JAKMIP2: variants seen among roughly 807,000 people sequenced by gnomAD.
The protein encoded by JAKMIP2 is janus kinase and microtubule-interacting protein 2.
Under a neutral mutation model 115.0 loss-of-function variants are expected in JAKMIP2, and 25 were observed. The observed-to-expected ratio is 0.22, with a 90% CI of 0.16 to 0.30. JAKMIP2 has a LOEUF of 0.30. Among genes scored for constraint, JAKMIP2 ranks in the 10% least tolerant of loss-of-function variants. The pLI, the probability that JAKMIP2 is intolerant of heterozygous loss-of-function variation, is 1.00. For missense variants in JAKMIP2, 642 were observed against 957.6 expected (o/e 0.67, Z 4.35); for synonymous variants, 334 against 343.6 (o/e 0.97, Z 0.31).
intron 1 of JAKMIP2, among the ~76,000 whole-genome samples, chr5:147,777,349 GA>G (rs1206128188): frequency 6.6e-6 from 1 of 152,160 alleles, no homozygotes; most frequent in Non-Finnish European, 1.5e-5. Flanking sequence ...AATGCATGCG[GA>G]AATTTAAAAT....
At chr5:147,625,914 C>T (rs1757074185) in intron 16 of JAKMIP2, among the ~76,000 whole-genome samples, 1 of 152,080 alleles carries the variant, frequency 6.6e-6, no homozygotes, top group African/African-American at 2.4e-5. Context: ...AGGAACAGTA[C>T]ATAAGTACAT....
chr5:147,700,227 T>C (rs1752269297), intron 1 of JAKMIP2, among the ~76,000 whole-genome samples: 1 of 151,684 alleles, frequency 6.6e-6, no homozygotes, highest in Admixed American at 6.6e-5. Flanking sequence ...TAGTTAAAAA[T>C]ATGAAAAATA....
intron 11 of JAKMIP2, 94 bp from the exon 12 acceptor site, chr5:147,636,378 A>C (rs1581330941): frequency 2.1e-6 from 2 of 967,168 alleles, no homozygotes; most frequent in South Asian, 1.5e-5. Context: ...CCTTCTCCCC[A>C]CCCTGTTTGT....
At chr5:147,742,155 A>ATTTTTT (rs755006646) in intron 1 of JAKMIP2, among the ~76,000 whole-genome samples, 2,668 of 108,982 alleles carry the variant, frequency 0.024, 187 homozygotes, top group Middle Eastern at 0.11. Context: ...ATATATATAT[A>ATTTTTT]TTTTTTTTAC....
At chr5:147,650,921 T>A (rs1230916572) in intron 3 of JAKMIP2, among the ~76,000 whole-genome samples, 1 of 152,216 alleles carries the variant, frequency 6.6e-6, no homozygotes. Context: ...GGACATTTTT[T>A]GATGTCACTT....
At chr5:147,627,265 G>T (rs77409485) in intron 16 of JAKMIP2, among the ~76,000 whole-genome samples, 1 of 152,108 alleles carries the variant, frequency 6.6e-6, no homozygotes, top group Non-Finnish European at 1.5e-5. Flanking sequence ...AAGGGGGCTT[G>T]GATGAACAGG....
In JAKMIP2 at chr5:147,761,549, T is replaced by C. The variant is rs569359114; in HGVS notation, c.-149+20907A>G. On this transcript the variant is annotated intron_variant, in intron 1 of 21. Transcript: ENST00000616793. ...TTGGATTTATTATCTAACTTTATCTTACAACAAACTTACAAGAAAATATAA... is the reference window on the plus strand; with the variant it reads ...TTGGATTTATTATCTAACTTTATCTCACAACAAACTTACAAGAAAATATAA... Among the ~76,000 whole-genome samples, 4 of 152,214 alleles carry C rather than the reference T, an allele frequency of 2.6e-5. No individual in the cohort carries two copies. In the East Asian group the frequency reaches 7.7e-4, roughly 29 times the overall value.
chr5:147,726,240 T>G (rs1476323881), intron 1 of JAKMIP2, among the ~76,000 whole-genome samples: 1 of 152,144 alleles, frequency 6.6e-6, no homozygotes, highest in Non-Finnish European at 1.5e-5. Context: ...GCCTGGCCAG[T>G]TCAATATTGG....
intron 1 of JAKMIP2, among the ~76,000 whole-genome samples, chr5:147,772,445 C>T (rs1039848756): frequency 1.3e-5 from 2 of 151,606 alleles, no homozygotes; most frequent in Admixed American, 6.6e-5. Flanking sequence ...TGGTGGGGGG[C>T]AGGCTAGGGA....
chr5:147,691,621 A>G (rs1751864148), intron 1 of JAKMIP2, among the ~76,000 whole-genome samples: 1 of 152,174 alleles, frequency 6.6e-6, no homozygotes, highest in Non-Finnish European at 1.5e-5. Flanking sequence ...TTCATATAGC[A>G]CAACCCAAGC....
At chr5:147,601,863 T>C in intron 20 of JAKMIP2, 52 bp from the exon 21 acceptor site, 3 of 819,252 alleles carry the variant, frequency 3.7e-6, no homozygotes, top group Non-Finnish European at 5.9e-6. Flanking sequence ...TGTAGTGCCA[T>C]TCAGGTAGTA....
rs1207901026 is a variant in JAKMIP2 at position 147,591,762 on chromosome 5, A to T, written c.*21-76T>A. On this transcript the variant is annotated intron_variant, in intron 21 of 21. Coordinates refer to ENST00000616793, the MANE Select transcript of JAKMIP2 (RefSeq NM_001270941.2). ...GAATCATAAAAAACAAACTTTAAAA[A>T]AAGACACAAATTTTTTATTCTTTAC... 1.8e-5 allele frequency: 16 copies of T among 913,290 alleles called. No homozygotes were observed. In the East Asian group the frequency reaches 3.9e-4, roughly 22 times the overall value. 56.6% of individuals were successfully genotyped at this position (913,290 alleles called of 1,614,324 possible).
intron 1 of JAKMIP2, among the ~76,000 whole-genome samples, chr5:147,759,319 A>G (rs1754851308): frequency 2.0e-5 from 3 of 152,130 alleles, no homozygotes; most frequent in Admixed American, 2.0e-4. Context: ...ATGTCTAAAA[A>G]ATGAGATGGC....
intron 20 of JAKMIP2, among the ~76,000 whole-genome samples, chr5:147,611,553 C>T (rs1303209617): frequency 2.6e-5 from 4 of 152,200 alleles, no homozygotes; most frequent in African/African-American, 9.6e-5. Context: ...AACCAGGTAC[C>T]TCAGTTAGAA....
chr5:147,734,241 A>G (rs921904829), intron 1 of JAKMIP2, among the ~76,000 whole-genome samples: 1 of 152,194 alleles, frequency 6.6e-6, no homozygotes, highest in Non-Finnish European at 1.5e-5. Context: ...TGATCATTAA[A>G]AAGTCAGGAA....
chr5:147,659,874 T>C (rs1156328473), intron 3 of JAKMIP2, among the ~76,000 whole-genome samples: 1 of 151,946 alleles, frequency 6.6e-6, no homozygotes, highest in Non-Finnish European at 1.5e-5. Context: ...TAAAGAAAAA[T>C]AAACATTAAC....
intron 1 of JAKMIP2, among the ~76,000 whole-genome samples, chr5:147,673,384 C>CGTCA (rs1759740595): frequency 6.6e-6 from 1 of 152,126 alleles, no homozygotes; most frequent in Non-Finnish European, 1.5e-5. Flanking sequence ...TCCTGCTGAC[C>CGTCA]ACCCATATGT....
At chr5:147,736,997 T>C (rs2126984304) in intron 1 of JAKMIP2, among the ~76,000 whole-genome samples, 1 of 152,320 alleles carries the variant, frequency 6.6e-6, no homozygotes, top group Admixed American at 6.5e-5. Context: ...GACTATCTGA[T>C]GTCAGGCCCA....
chr5:147,590,668 T>G lies in JAKMIP2; in HGVS notation c.*1039A>C, dbSNP rs145140775. 6.6e-6 allele frequency: 1 copy of G among 152,210 alleles called. No homozygotes were observed. The highest frequency in any genetic ancestry group is 1.5e-5 in the Non-Finnish European group (1 of 68,034). The allele number at this position is 152,210 out of a possible 1,614,324, so 9.4% of individuals were successfully genotyped here. ...CTGCTGTGTTTTTGCCCAAATCATA[T>G]AGCATATTCATTTGCAGGCAATTTT... On this transcript the variant is annotated 3_prime_UTR_variant, in exon 22 of 22. Coordinates refer to ENST00000616793, the MANE Select transcript of JAKMIP2 (RefSeq NM_001270941.2).
Sources: allele counts gnomAD v4.1 joint callset (sites outside exome capture counted in the v4.1 genomes callset), GRCh38; gene constraint gnomAD v4.1.1; transcripts MANE v1.5; gene names NCBI Gene and HGNC (gene_info 2026-07-23, HGNC 2026-07-21).